Variants in CASK observed in about 807,000 individuals in gnomAD.
The protein encoded by CASK is peripheral plasma membrane protein CASK.
Under a neutral mutation model 82.9 loss-of-function variants are expected in CASK, and 4 were observed. The ratio of observed to expected loss-of-function variants is 0.05; its 90% confidence interval spans 0.02 to 0.11. CASK has a LOEUF of 0.11. Ranked by LOEUF, CASK falls within the 10% of genes least tolerant of loss-of-function variation. The probability of loss-of-function intolerance (pLI) is 1.00; values close to 1 mark genes in which losing one functional copy is unlikely to be tolerated. For synonymous variants in CASK, 259 were observed against 253.5 expected (o/e 1.02, Z -0.20); for missense variants, 358 against 720.9 (o/e 0.50, Z 5.76).
At chrX:41,561,152 T>C (rs756172887) in intron 17 of CASK, among the ~76,000 whole-genome samples, 188 of 111,451 alleles carry the variant, frequency 1.7e-3, no homozygotes, top group Non-Finnish European at 3.1e-3. Context: ...CTCCCTTCTA[T>C]GCTGTAGAGA....
chrX:41,780,895 T>C (rs765078754), intron 3 of CASK, among the ~76,000 whole-genome samples: 4 of 111,317 alleles, frequency 3.6e-5, no homozygotes, highest in Non-Finnish European at 7.5e-5. Context: ...GTGATCCACC[T>C]ACCTTAGCCT....
chrX:41,793,482 G>A (rs1159059512), intron 2 of CASK, among the ~76,000 whole-genome samples: 1 of 111,565 alleles, frequency 9.0e-6, no homozygotes, highest in Admixed American at 9.6e-5. Flanking sequence ...TTACAGAACC[G>A]GCTTATTTCA....
In CASK at chrX:41,555,761, T is replaced by C. The variant is rs1170155226; in HGVS notation, c.1807-126A>G. The C allele has an allele frequency of 2.2e-5, 11 of 508,364 alleles. No homozygotes were observed. The East Asian group carries it at 4.1e-4, about 19-fold the overall frequency. 41.9% of individuals were successfully genotyped at this position (508,364 alleles called of 1,213,427 possible). ...AGATTTAAGTTGTAAAGAGATAATA[T>C]ACATTATTCCATTTATCAGAAATGT... is the stretch of plus-strand genomic sequence containing the variant. On this transcript the variant is annotated intron_variant, in intron 19 of 26. Coordinates refer to ENST00000378163, the MANE Select transcript of CASK (RefSeq NM_001367721.1).
intron 25 of CASK, among the ~76,000 whole-genome samples, chrX:41,525,806 T>C (rs2064704218): frequency 1.8e-5 from 2 of 112,151 alleles, no homozygotes; most frequent in African/African-American, 6.5e-5. Flanking sequence ...AAATTTGACA[T>C]GAAAGGTTCT....
Position 41,519,382 on chromosome X carries a change from G to A in CASK, c.*1038C>T, listed in dbSNP as rs768940832. On this transcript the variant is annotated 3_prime_UTR_variant, in exon 27 of 27. Transcript: ENST00000378163. ...TGCACAGTATTTTCTCTTAAAATGGGTGCTTTAAAACAATTACATACAGAT... is the reference window on the plus strand; with the variant it reads ...TGCACAGTATTTTCTCTTAAAATGGATGCTTTAAAACAATTACATACAGAT... 25 of 111,464 alleles carry A rather than the reference G, an allele frequency of 2.2e-4. No individual in the cohort carries two copies. The highest frequency in any genetic ancestry group is 4.5e-4 in the Non-Finnish European group (24 of 53,114). The allele number at this position is 111,464 out of a possible 1,213,427, so 9.2% of individuals were successfully genotyped here.
chrX:41,702,480 T>A (rs1484065333), intron 5 of CASK, among the ~76,000 whole-genome samples: 1 of 110,169 alleles, frequency 9.1e-6, no homozygotes, highest in Non-Finnish European at 1.9e-5. Context: ...TTACCACTCA[T>A]CATAATTGTG....
intron 5 of CASK, among the ~76,000 whole-genome samples, chrX:41,720,705 T>A (rs1431373053): frequency 3.6e-5 from 4 of 111,225 alleles, no homozygotes; most frequent in Non-Finnish European, 7.5e-5. Context: ...TCCTCTGGGT[T>A]CTGGCTCTGA....
At chrX:41,842,416 CA>C (rs1036119962) in intron 2 of CASK, among the ~76,000 whole-genome samples, 13 of 108,504 alleles carry the variant, frequency 1.2e-4, no homozygotes, top group Non-Finnish European at 1.9e-4. Flanking sequence ...ACTAATAATA[CA>C]AAAAAAATAG....
At chrX:41,539,317 C>A (rs772383353) in intron 22 of CASK, among the ~76,000 whole-genome samples, 1 of 112,033 alleles carries the variant, frequency 8.9e-6, no homozygotes. Flanking sequence ...AATTCCCAAC[C>A]TTCATTTGTA....
At chrX:41,776,480 T>G (rs1173379941) in intron 3 of CASK, among the ~76,000 whole-genome samples, 1 of 112,469 alleles carries the variant, frequency 8.9e-6, no homozygotes, top group Non-Finnish European at 1.9e-5. Flanking sequence ...TCCATTGTAA[T>G]AAAGGCAAGA....
At chrX:41,776,398 T>C in intron 3 of CASK, among the ~76,000 whole-genome samples, 1 of 112,894 alleles carries the variant, frequency 8.9e-6, no homozygotes, top group Non-Finnish European at 1.9e-5. Context: ...TCATGATCCA[T>C]TCATGCTTAG....
intron 2 of CASK, among the ~76,000 whole-genome samples, chrX:41,811,842 C>G (rs1243383815): frequency 1.5e-4 from 17 of 111,237 alleles, no homozygotes; most frequent in Non-Finnish European, 3.2e-4. Context: ...ACACTGCTAG[C>G]AAGACTAATA....
chrX:41,660,684 G>C (rs2067017609), intron 7 of CASK, 123 bp from the exon 8 acceptor site: 2 of 690,632 alleles, frequency 2.9e-6, no homozygotes, highest in Non-Finnish European at 2.3e-6. Flanking sequence ...ACAGAAATTT[G>C]ATTCTAAAGG....
intron 6 of CASK, among the ~76,000 whole-genome samples, chrX:41,670,893 T>G (rs775077995): frequency 2.7e-5 from 3 of 112,679 alleles, no homozygotes; most frequent in Non-Finnish European, 5.6e-5. Flanking sequence ...AATTTGTAAC[T>G]TTTTTCTTTT....
intron 12 of CASK, among the ~76,000 whole-genome samples, chrX:41,592,426 C>T: frequency 9.0e-6 from 1 of 111,007 alleles, no homozygotes; most frequent in Non-Finnish European, 1.9e-5. Flanking sequence ...TTAATAAATG[C>T]ACATCAATTT....
At chrX:41,711,984 C>G (rs758470394) in intron 5 of CASK, among the ~76,000 whole-genome samples, 2 of 112,796 alleles carry the variant, frequency 1.8e-5, no homozygotes, top group African/African-American at 6.4e-5. Context: ...AACTGCTGAA[C>G]GCAGGTACAA....
At chrX:41,680,003 A>C (rs778357701) in intron 5 of CASK, among the ~76,000 whole-genome samples, 127 of 111,425 alleles carry the variant, frequency 1.1e-3, no homozygotes, top group Non-Finnish European at 2.1e-3. Flanking sequence ...TGAGGTCAGG[A>C]GTTCAAGACC....
chrX:41,756,166 T>C (rs911249370), intron 3 of CASK, among the ~76,000 whole-genome samples: 1 of 112,157 alleles, frequency 8.9e-6, no homozygotes, highest in Non-Finnish European at 1.9e-5. Context: ...GTACTATGTA[T>C]GGAATGTCCT....
intron 16 of CASK, among the ~76,000 whole-genome samples, chrX:41,564,740 G>T (rs777404829): frequency 8.9e-6 from 1 of 111,774 alleles, no homozygotes; most frequent in East Asian, 2.8e-4. Flanking sequence ...GGACCTAATA[G>T]ACATCTACAG....
Sources: allele counts gnomAD v4.1 joint callset (sites outside exome capture counted in the v4.1 genomes callset), GRCh38; gene constraint gnomAD v4.1.1; transcripts MANE v1.5; gene names NCBI Gene and HGNC (gene_info 2026-07-23, HGNC 2026-07-21).